TBL1Y: variants seen among roughly 807,000 people sequenced by gnomAD.
TBL1Y encodes the protein F-box-like/WD repeat-containing protein TBL1Y.
In TBL1Y, 15 loss-of-function variants were observed where a neutral mutation model predicts 12.0. The observed-to-expected ratio is 1.25, with a 90% CI of 0.83 to 1.92. TBL1Y has a LOEUF of 1.92. Among genes scored for constraint, TBL1Y ranks in the 40% most tolerant of loss-of-function variants. The pLI is 0.00. For synonymous variants in TBL1Y, 53 were observed against 42.6 expected (o/e 1.24, Z -0.95); for missense variants, 148 against 116.7 (o/e 1.27, Z -1.24).
At chrY:6,973,114 C>T in intron 2 of TBL1Y, among the ~76,000 whole-genome samples, 1 of 33,239 alleles carries the variant, frequency 3.0e-5, no homozygotes. Flanking sequence ...AATCTCTGTG[C>T]GGTGGCTGTC....
At chrY:6,927,432 T>C in intron 2 of TBL1Y, among the ~76,000 whole-genome samples, 1 of 33,188 alleles carries the variant, frequency 3.0e-5, no homozygotes. Context: ...GGTCTCACCA[T>C]GTTGGCCGGT....
chrY:7,029,856 G>A, intron 6 of TBL1Y, among the ~76,000 whole-genome samples: 1 of 33,629 alleles, frequency 3.0e-5, no homozygotes, highest in African/African-American at 1.2e-4. Context: ...ATGTATTTGA[G>A]ATTCATGCAT....
At chrY:6,958,999 G>A (rs1603029909) in intron 2 of TBL1Y, among the ~76,000 whole-genome samples, 3 of 33,680 alleles carry the variant, frequency 8.9e-5, no homozygotes, top group African/African-American at 2.3e-4. Flanking sequence ...GCTGGGGGAC[G>A]GTCAGGTCTT....
chrY:6,959,978 GT>G (rs2012111995), intron 2 of TBL1Y, among the ~76,000 whole-genome samples: 1 of 34,109 alleles, frequency 2.9e-5, no homozygotes, highest in Non-Finnish European at 7.3e-5. Flanking sequence ...ATATTCTGCA[GT>G]TTGAACAGAG....
chrY:6,973,015 T>C, intron 2 of TBL1Y, among the ~76,000 whole-genome samples: 1 of 32,652 alleles, frequency 3.1e-5, no homozygotes, highest in Non-Finnish European at 7.5e-5. Flanking sequence ...CTGGATTTGA[T>C]TCTGTGGCTC....
At chrY:7,005,428 CA>C (rs2012480461) in intron 4 of TBL1Y, among the ~76,000 whole-genome samples, 20 of 29,659 alleles carry the variant, frequency 6.7e-4, no homozygotes, top group African/African-American at 2.6e-3. Context: ...GATCATGTCT[CA>C]AAAAAAAAAT....
intron 12 of TBL1Y, among the ~76,000 whole-genome samples, chrY:7,072,198 C>G (rs889982090): frequency 3.0e-5 from 1 of 33,687 alleles, no homozygotes; most frequent in Non-Finnish European, 7.3e-5. Flanking sequence ...CTTTGCCTGG[C>G]CAATGATTTT....
chrY:6,955,119 A>C (rs2012062301), intron 2 of TBL1Y, among the ~76,000 whole-genome samples: 1 of 33,046 alleles, frequency 3.0e-5, no homozygotes, highest in Admixed American at 2.8e-4. Context: ...ATGAAGAGAG[A>C]CCAAAGAGCT....
chrY:6,939,177 A>G (rs2011926355), intron 2 of TBL1Y, among the ~76,000 whole-genome samples: 1 of 33,433 alleles, frequency 3.0e-5, no homozygotes, highest in Admixed American at 2.7e-4. Context: ...GTGTGTTTTT[A>G]CAGAGTGCTG....
At chrY:7,054,978 G>GC (rs2012818514) in intron 7 of TBL1Y, among the ~76,000 whole-genome samples, 3 of 33,320 alleles carry the variant, frequency 9.0e-5, no homozygotes. Flanking sequence ...GAGCAAGGAC[G>GC]CCCCCCCAGG....
intron 4 of TBL1Y, among the ~76,000 whole-genome samples, chrY:7,009,174 T>C: frequency 2.9e-5 from 1 of 34,051 alleles, no homozygotes; most frequent in South Asian, 6.5e-4. Flanking sequence ...CTTACAAGCA[T>C]GGACATGCTT....
chrY:7,062,737 G>A (rs376413687), intron 7 of TBL1Y, among the ~76,000 whole-genome samples: 244 of 33,272 alleles, frequency 7.3e-3, no homozygotes, highest in African/African-American at 0.028. Flanking sequence ...TGTGTTTTGG[G>A]CTGAGGCTCA....
chrY:7,064,764 G>A, intron 8 of TBL1Y, among the ~76,000 whole-genome samples: 1 of 33,270 alleles, frequency 3.0e-5, no homozygotes, highest in Admixed American at 2.7e-4. Flanking sequence ...TCCATGAATG[G>A]TGCACTAGTG....
At chrY:7,064,386 C>A (rs2012954413) in intron 8 of TBL1Y, among the ~76,000 whole-genome samples, 1 of 33,200 alleles carries the variant, frequency 3.0e-5, no homozygotes, top group Non-Finnish European at 7.4e-5. Flanking sequence ...GTGTGCACTG[C>A]CAGTCTGAGA....
At chrY:7,073,382 A>C (rs1010764564) in intron 12 of TBL1Y, among the ~76,000 whole-genome samples, 1 of 33,373 alleles carries the variant, frequency 3.0e-5, no homozygotes, top group Non-Finnish European at 7.4e-5. Context: ...TGACAGAAAA[A>C]GCTTGCAGAC....
Position 6,978,205 on chromosome Y carries a change from C to T in TBL1Y, c.-265-8C>T, listed in dbSNP as rs72625378. 1 of 34,079 alleles carries T rather than the reference C, an allele frequency of 2.9e-5. No homozygotes were observed. Among genetic ancestry groups the T allele is most frequent in the African/African-American group, 1.1e-4 (1 of 8,780 alleles). The allele number at this position is 34,079 out of a possible 400,897, so 8.5% of individuals were successfully genotyped here. A position where few individuals can be genotyped will look rare whatever the true frequency, so the allele number is the denominator to read the frequency against. ...GAATTGGCTAATCATTTTTTTTCCT[C>T]TTTATAGGCATTGATGTCCTAGGTT... On this transcript the variant is annotated splice_polypyrimidine_tract_variant and splice_region_variant and intron_variant, in intron 2 of 18. Transcript: ENST00000383032.
intron 14 of TBL1Y, among the ~76,000 whole-genome samples, chrY:7,084,241 C>T: frequency 3.0e-5 from 1 of 33,518 alleles, no homozygotes; most frequent in Non-Finnish European, 7.4e-5. Flanking sequence ...CCCCATTTCT[C>T]CTGGGCAGGC....
chrY:6,937,664 T>G (rs2011914043), intron 2 of TBL1Y, among the ~76,000 whole-genome samples: 1 of 33,317 alleles, frequency 3.0e-5, no homozygotes, highest in Non-Finnish European at 7.4e-5. Flanking sequence ...AGGCTACCCT[T>G]CCCTCCAATT....
At chrY:6,958,198 T>G in intron 2 of TBL1Y, among the ~76,000 whole-genome samples, 2 of 33,561 alleles carry the variant, frequency 6.0e-5, no homozygotes, top group Non-Finnish European at 1.5e-4. Flanking sequence ...GTAGCTGTAT[T>G]TATTCTTGTA....
Sources: allele counts gnomAD v4.1 joint callset (sites outside exome capture counted in the v4.1 genomes callset), GRCh38; gene constraint gnomAD v4.1.1; transcripts MANE v1.5; gene names NCBI Gene and HGNC (gene_info 2026-07-23, HGNC 2026-07-21).